MYO5B: variants seen among roughly 807,000 people sequenced by gnomAD.
MYO5B encodes the protein unconventional myosin-Vb.
In MYO5B, 143 loss-of-function variants were observed where a neutral mutation model predicts 229.3. The observed-to-expected ratio is 0.62, with a 90% CI of 0.54 to 0.72. MYO5B has a LOEUF of 0.72. MYO5B is among the 30% of genes least tolerant of loss of function. MYO5B has a pLI of 0.00. For missense variants in MYO5B, 2,321 were observed against 2,331.0 expected, an observed-to-expected ratio of 1.00 and a Z score of 0.09; for synonymous variants, 918 against 885.2, an observed-to-expected ratio of 1.04 and a Z score of -0.66.
intron 4 of MYO5B, among the ~76,000 whole-genome samples, chr18:50,003,954 C>G (rs1343428398): frequency 6.6e-6 from 1 of 152,182 alleles, no homozygotes; most frequent in Non-Finnish European, 1.5e-5. Context: ...TGCGTCAACA[C>G]AGCACACACA....
intron 1 of MYO5B, among the ~76,000 whole-genome samples, chr18:50,170,860 A>G (rs1350615649): frequency 7.8e-6 from 1 of 128,432 alleles, no homozygotes; most frequent in Non-Finnish European, 1.7e-5. Context: ...GTAAACAGGA[A>G]AAGAGACATT....
intron 1 of MYO5B, among the ~76,000 whole-genome samples, chr18:50,182,661 G>T (rs1301238721): frequency 9.9e-5 from 15 of 152,216 alleles, no homozygotes; most frequent in Admixed American, 9.8e-4. Context: ...TCTCCTGACA[G>T]GGGCTCCACA....
chr18:50,117,118 C>CTTT (rs2031977437), intron 1 of MYO5B, among the ~76,000 whole-genome samples: 1 of 151,984 alleles, frequency 6.6e-6, no homozygotes, highest in African/African-American at 2.4e-5. Context: ...CAAAAATGCC[C>CTTT]TTTTTTGGTC....
At chr18:50,046,312 C>A (rs761785834) in intron 2 of MYO5B, among the ~76,000 whole-genome samples, 4 of 152,170 alleles carry the variant, frequency 2.6e-5, no homozygotes, top group Non-Finnish European at 4.4e-5. Context: ...ATTAGTCTGC[C>A]TGAAACCTAG....
chr18:49,830,145 C>CCACA (rs57718809), intron 39 of MYO5B, among the ~76,000 whole-genome samples: 5,069 of 149,890 alleles, frequency 0.034, 241 homozygotes, highest in African/African-American at 0.11. Flanking sequence ...CTGAAAGAAT[C>CCACA]CACACACACA....
At chr18:50,053,657 AG>A (rs1245580611) in intron 2 of MYO5B, among the ~76,000 whole-genome samples, 18 of 146,622 alleles carry the variant, frequency 1.2e-4, no homozygotes, top group Non-Finnish European at 2.6e-4. Context: ...GAGGAATGTG[AG>A]GGGTGCACAC....
At chr18:49,994,865 G>C (rs1440596764) in intron 5 of MYO5B, among the ~76,000 whole-genome samples, 1 of 152,200 alleles carries the variant, frequency 6.6e-6, no homozygotes, top group Non-Finnish European at 1.5e-5. Context: ...TTCCTAAAAT[G>C]TTGGTAGAAA....
intron 1 of MYO5B, among the ~76,000 whole-genome samples, chr18:50,143,505 C>T (rs573723881): frequency 1.3e-5 from 2 of 152,286 alleles, no homozygotes; most frequent in African/African-American, 4.8e-5. Context: ...ACACCAGCCA[C>T]AGGATGGGGC....
chr18:49,982,225 G>A (rs1280391082), intron 8 of MYO5B, among the ~76,000 whole-genome samples: 1 of 152,094 alleles, frequency 6.6e-6, no homozygotes, highest in Non-Finnish European at 1.5e-5. Flanking sequence ...GTGCCAACAT[G>A]GCCAGCTAAT....
chr18:50,159,496 C>T (rs1350084810), intron 1 of MYO5B, among the ~76,000 whole-genome samples: 2 of 152,114 alleles, frequency 1.3e-5, no homozygotes, highest in Non-Finnish European at 2.9e-5. Context: ...GACATTCAGT[C>T]ACCCACGGGA....
intron 1 of MYO5B, among the ~76,000 whole-genome samples, chr18:50,193,204 C>T (rs921130650): frequency 6.6e-6 from 1 of 152,242 alleles, no homozygotes; most frequent in Non-Finnish European, 1.5e-5. Flanking sequence ...CCAATACCTC[C>T]ACAGCTAAGA....
intron 14 of MYO5B, among the ~76,000 whole-genome samples, chr18:49,942,318 A>C (rs557907929): frequency 6.6e-6 from 1 of 151,232 alleles, no homozygotes; most frequent in South Asian, 2.1e-4. Flanking sequence ...AATGGCAACA[A>C]AAGCAAAAAT....
chr18:49,971,050 TAAG>T (rs1254961774), intron 10 of MYO5B: 1 of 152,238 alleles, frequency 6.6e-6, no homozygotes, highest in Non-Finnish European at 1.5e-5. Flanking sequence ...ACACCCCCAC[TAAG>T]AAGGAGTGAG....
chr18:50,001,297 G>A lies in MYO5B; in HGVS notation c.570C>T (p.Thr190=), dbSNP rs924503808. The change falls in exon 5 of 40, where the codon ACC becomes ACT. Residue 190 remains threonine (T), a synonymous_variant. Transcript: ENST00000285039. ...FATVGGSASE[T]NIEEKVLASS... is the part of the protein sequence containing the mutation. Reference sequence around the variant, plus strand: ...ATGCCAGCACCTTCTCTTCGATGTTGGTTTCACTGGCCGAGCCACCAACGG... The same window carrying A: ...ATGCCAGCACCTTCTCTTCGATGTTAGTTTCACTGGCCGAGCCACCAACGG... 1 of 1,614,078 alleles carries A rather than the reference G, an allele frequency of 6.2e-7. No homozygotes were observed. Among genetic ancestry groups the A allele is most frequent in the East Asian group, 2.2e-5 (1 of 44,894 alleles).
intron 7 of MYO5B, among the ~76,000 whole-genome samples, chr18:49,985,527 T>C (rs2025861380): frequency 6.6e-6 from 1 of 152,196 alleles, no homozygotes; most frequent in Non-Finnish European, 1.5e-5. Flanking sequence ...ACGGCAGAAT[T>C]AGTGCTTAGG....
intron 1 of MYO5B, among the ~76,000 whole-genome samples, chr18:50,096,552 C>A (rs1055443266): frequency 4.6e-5 from 7 of 152,112 alleles, no homozygotes; most frequent in African/African-American, 1.7e-4. Flanking sequence ...CCTCCTGGAT[C>A]AAGGTCACAC....
chr18:49,941,485 A>C (rs2144221473), intron 14 of MYO5B, among the ~76,000 whole-genome samples: 1 of 152,278 alleles, frequency 6.6e-6, no homozygotes, highest in African/African-American at 2.4e-5. Flanking sequence ...GCAGAGTCTA[A>C]ATAGCTCCAT....
intron 18 of MYO5B, among the ~76,000 whole-genome samples, chr18:49,911,635 G>A (rs998812525): frequency 2.6e-5 from 4 of 152,194 alleles, no homozygotes; most frequent in Admixed American, 1.3e-4. Flanking sequence ...CTGAATAAAT[G>A]CAAGTCTGAT....
chr18:49,993,912 C>T (rs2025959136), intron 5 of MYO5B, among the ~76,000 whole-genome samples: 1 of 152,188 alleles, frequency 6.6e-6, no homozygotes, highest in Non-Finnish European at 1.5e-5. Context: ...GGCTTATGTG[C>T]TTGGCAGGAA....
Sources: gnomAD v4.1 joint callset for allele counts (sites outside exome capture counted in the v4.1 genomes callset) on GRCh38, gnomAD v4.1.1 for gene constraint, MANE v1.5 for transcripts, NCBI Gene and HGNC (gene_info 2026-07-23, HGNC 2026-07-21) for gene names.